Variants in GFRA1 observed in about 807,000 individuals in gnomAD.
GFRA1 encodes the protein GDNF family receptor alpha-1.
In GFRA1, 16 loss-of-function variants were observed where a neutral mutation model predicts 51.6. The ratio of observed to expected loss-of-function variants is 0.31; its 90% CI spans 0.21 to 0.47. The LOEUF is 0.47. GFRA1 is among the 20% of genes least tolerant of loss of function. GFRA1 has a pLI of 1.00. For synonymous variants in GFRA1, 270 were observed against 241.3 expected (o/e 1.12, Z -1.10); for missense variants, 530 against 594.3 (o/e 0.89, Z 1.13).
intron 4 of GFRA1, among the ~76,000 whole-genome samples, chr10:116,232,325 G>C (rs1966727368): frequency 6.6e-6 from 1 of 152,164 alleles, no homozygotes; most frequent in African/African-American, 2.4e-5. Flanking sequence ...AGAAATAGCA[G>C]TTGGGTGATC....
intron 5 of GFRA1, among the ~76,000 whole-genome samples, chr10:116,158,073 G>T (rs187725797): frequency 1.9e-3 from 290 of 152,312 alleles, no homozygotes; most frequent in Non-Finnish European, 3.4e-3. Context: ...TACACGGCTT[G>T]TCATTCCTAC....
chr10:116,067,990 G>C (rs547668793), intron 9 of GFRA1, among the ~76,000 whole-genome samples: 22 of 152,328 alleles, frequency 1.4e-4, no homozygotes, highest in Admixed American at 1.4e-3. Flanking sequence ...TTCTGGCCTT[G>C]TCTCCGTGTA....
At chr10:116,097,002 GTC>G (rs1002564012) in intron 6 of GFRA1, among the ~76,000 whole-genome samples, 27 of 152,094 alleles carry the variant, frequency 1.8e-4, no homozygotes, top group Non-Finnish European at 3.5e-4. Context: ...CCACCTGTGT[GTC>G]TCTGTTTATT....
rs1957632098 is a variant in GFRA1, at chr10:116,121,298, G to T, written c.770+3923C>A. Among the ~76,000 whole-genome samples, 4 of 152,214 alleles carry T rather than the reference G, an allele frequency of 2.6e-5. No individual in the cohort carries two copies. In the South Asian group the frequency reaches 8.3e-4, roughly 32 times the overall value. On this transcript the variant is annotated intron_variant, in intron 6 of 10. Transcript: ENST00000355422. ...ACCTGGCAGGGGAGGCACTGCTTCG[G>T]GGGAAGACTGTGAGGCTTTGAAATT...
chr10:116,124,684 A>G (rs563138959), intron 6 of GFRA1, among the ~76,000 whole-genome samples: 50 of 152,276 alleles, frequency 3.3e-4, no homozygotes, highest in African/African-American at 1.2e-3. Context: ...GATCTGGGAG[A>G]TGAGCTAAGT....
chr10:116,256,777 T>G (rs944410095), intron 4 of GFRA1, among the ~76,000 whole-genome samples: 2 of 151,862 alleles, frequency 1.3e-5, no homozygotes, highest in Non-Finnish European at 2.9e-5. Context: ...GACTGGGGAG[T>G]CAGAGGAAGA....
At chr10:116,137,359 A>C (rs932117049) in intron 5 of GFRA1, among the ~76,000 whole-genome samples, 1 of 152,194 alleles carries the variant, frequency 6.6e-6, no homozygotes, top group African/African-American at 2.4e-5. Context: ...GGGCCCTCAC[A>C]GTGCGGATTT....
chr10:116,161,848 C>G (rs1279520807), intron 5 of GFRA1, among the ~76,000 whole-genome samples: 2 of 152,124 alleles, frequency 1.3e-5, no homozygotes, highest in Non-Finnish European at 2.9e-5. Flanking sequence ...ACAAATACAC[C>G]TATATACAAT....
At chr10:116,075,422 T>C (rs774601299) in intron 9 of GFRA1, among the ~76,000 whole-genome samples, 5 of 152,176 alleles carry the variant, frequency 3.3e-5, no homozygotes, top group Non-Finnish European at 7.4e-5. Flanking sequence ...ATGGTATAAA[T>C]GTTACTGTCC....
intron 4 of GFRA1, among the ~76,000 whole-genome samples, chr10:116,259,769 A>G (rs899606884): frequency 2.6e-5 from 4 of 152,230 alleles, no homozygotes; most frequent in African/African-American, 9.6e-5. Context: ...CACAGGAACA[A>G]GAAGTGAATC....
rs1043474984 is a variant in GFRA1 at position 116,057,989 on chromosome 10, A to G, written c.*6409T>C. 11 of 94,158 alleles carry G rather than the reference A, an allele frequency of 1.2e-4. No individual in the cohort carries two copies. In the East Asian group the frequency reaches 3.9e-3, roughly 33 times the overall value. 5.8% of individuals were successfully genotyped at this position (94,158 alleles called of 1,614,324 possible). Reference sequence around the variant, plus strand: ...TGCTGGATCATATAGCCCTCCAATCATTGTGTGTGTGTGTGTGTGTGTGTG... The same window carrying G: ...TGCTGGATCATATAGCCCTCCAATCGTTGTGTGTGTGTGTGTGTGTGTGTG... On this transcript the variant is annotated 3_prime_UTR_variant, in exon 11 of 11. Coordinates refer to ENST00000355422, the MANE Select transcript of GFRA1 (RefSeq NM_005264.8).
chr10:116,243,557 GGTTTT>G (rs1565675385), intron 4 of GFRA1, among the ~76,000 whole-genome samples: 3 of 131,742 alleles, frequency 2.3e-5, no homozygotes, highest in South Asian at 2.5e-4. Flanking sequence ...AAAAGGGTTT[GGTTTT>G]TTTTTTAAGA....
chr10:116,235,622 T>C (rs969811928), intron 4 of GFRA1, among the ~76,000 whole-genome samples: 1 of 152,056 alleles, frequency 6.6e-6, no homozygotes, highest in Non-Finnish European at 1.5e-5. Context: ...AGCTGACAAA[T>C]CCCCATCCCT....
At chr10:116,143,190 T>G (rs573072710) in intron 5 of GFRA1, among the ~76,000 whole-genome samples, 1 of 152,312 alleles carries the variant, frequency 6.6e-6, no homozygotes, top group East Asian at 1.9e-4. Flanking sequence ...AAGTGTATAT[T>G]CATTCAAATT....
intron 9 of GFRA1, among the ~76,000 whole-genome samples, chr10:116,083,826 T>G (rs2055730160): frequency 1.3e-5 from 2 of 152,212 alleles, no homozygotes; most frequent in South Asian, 4.1e-4. Flanking sequence ...AGGGACCATC[T>G]AAATATAGAT....
intron 4 of GFRA1, among the ~76,000 whole-genome samples, chr10:116,254,517 A>AG (rs996220081): frequency 1.7e-4 from 26 of 151,480 alleles, no homozygotes; most frequent in East Asian, 3.9e-4. Context: ...TTAAAAAAAA[A>AG]AAGAAGAAGA....
chr10:116,174,877 T>C (rs1961427200), intron 5 of GFRA1, among the ~76,000 whole-genome samples: 1 of 152,180 alleles, frequency 6.6e-6, no homozygotes, highest in South Asian at 2.1e-4. Context: ...GAATTGGCTC[T>C]GAGTGAGCTA....
chr10:116,111,717 A>G (rs2694809), intron 6 of GFRA1, among the ~76,000 whole-genome samples: 141,650 of 152,254 alleles, frequency 0.93, 66,463 homozygotes, highest in Non-Finnish European at 0.99. Context: ...AGGGAATGGT[A>G]AGCCCAGACC....
chr10:116,210,144 C>G (rs1402360708), intron 5 of GFRA1, among the ~76,000 whole-genome samples: 2 of 152,204 alleles, frequency 1.3e-5, no homozygotes, highest in African/African-American at 4.8e-5. Flanking sequence ...AGAAGGCAAA[C>G]TTGACAGAGG....
Sources: allele counts gnomAD v4.1 joint callset (sites outside exome capture counted in the v4.1 genomes callset), GRCh38; gene constraint gnomAD v4.1.1; transcripts MANE v1.5; gene names NCBI Gene and HGNC (gene_info 2026-07-23, HGNC 2026-07-21).